METAP1D: variants seen among roughly 807,000 people sequenced by gnomAD.
METAP1D encodes methionine aminopeptidase 1D, mitochondrial.
A neutral mutation model predicts 40.5 loss-of-function variants in METAP1D; 31 were observed. That is an observed-to-expected ratio of 0.77 (90% CI 0.58 to 1.03). METAP1D has a LOEUF of 1.03. Among genes scored for constraint, METAP1D ranks in the 50% least tolerant of loss-of-function variants. METAP1D has a pLI of 0.00. For synonymous variants in METAP1D, 151 were observed against 146.4 expected (o/e 1.03, Z -0.22); for missense variants, 411 against 420.7 (o/e 0.98, Z 0.20).
rs118024231 is a variant in METAP1D, at chr2:172,079,561, T to C, written c.850+299T>C. 1.5e-3 allele frequency among the ~76,000 whole-genome samples: 226 copies of C among 152,302 alleles called. 3 individuals carry two copies. In the East Asian group the frequency reaches 0.035, roughly 24 times the overall value. On this transcript the variant is annotated intron_variant, in intron 8 of 9. Coordinates refer to ENST00000315796, the MANE Select transcript of METAP1D (RefSeq NM_199227.3). ...ATTAACACCCAGTAACTAGACACGATTATGTCCCTTGCTCCCTGTCAGCAA... is the reference window on the plus strand; with the variant it reads ...ATTAACACCCAGTAACTAGACACGACTATGTCCCTTGCTCCCTGTCAGCAA...
At chr2:172,045,949 A>G (rs1331273972) in intron 1 of METAP1D, among the ~76,000 whole-genome samples, 1 of 127,600 alleles carries the variant, frequency 7.8e-6, no homozygotes, top group Non-Finnish European at 1.6e-5. Context: ...GCCTGACCCT[A>G]CTCTTGGGGC....
At chr2:172,050,887 G>A (rs1210162222) in intron 1 of METAP1D, among the ~76,000 whole-genome samples, 2 of 152,068 alleles carry the variant, frequency 1.3e-5, no homozygotes, top group African/African-American at 2.4e-5. Context: ...TTTTAACCAC[G>A]GCCCTAATAA....
intron 1 of METAP1D, among the ~76,000 whole-genome samples, chr2:172,011,285 CTTTT>C (rs367971854): frequency 2.2e-5 from 3 of 135,340 alleles, no homozygotes; most frequent in Admixed American, 7.5e-5. Flanking sequence ...CTTTCTGTTT[CTTTT>C]TTTTTTTTTT....
At chr2:172,057,935 CTTTT>C (rs34383352) in intron 1 of METAP1D, among the ~76,000 whole-genome samples, 1 of 144,604 alleles carries the variant, frequency 6.9e-6, no homozygotes. Flanking sequence ...TTTGTGCAGA[CTTTT>C]TTTTTTTTTT....
intron 1 of METAP1D, chr2:172,021,943 G>T (rs1243578685): frequency 2.0e-5 from 3 of 152,216 alleles, no homozygotes; most frequent in East Asian, 1.9e-4. Context: ...TTAAAACAAA[G>T]AATTGTCTGT....
At chr2:172,013,773 T>C (rs1201586463) in intron 1 of METAP1D, among the ~76,000 whole-genome samples, 1 of 152,134 alleles carries the variant, frequency 6.6e-6, no homozygotes, top group African/African-American at 2.4e-5. Context: ...GAAGCATTTT[T>C]TCCAATTTGT....
intron 1 of METAP1D, among the ~76,000 whole-genome samples, chr2:172,023,351 C>T (rs934857761): frequency 1.3e-5 from 2 of 152,232 alleles, no homozygotes; most frequent in Non-Finnish European, 2.9e-5. Flanking sequence ...TTAATGTGAT[C>T]TAAAAAAAAT....
chr2:172,000,735 G>A (rs1435821456), intron 1 of METAP1D, among the ~76,000 whole-genome samples: 1 of 152,194 alleles, frequency 6.6e-6, no homozygotes, highest in African/African-American at 2.4e-5. Flanking sequence ...CATAGTAACA[G>A]CTACTGTTTA....
intron 1 of METAP1D, among the ~76,000 whole-genome samples, chr2:172,006,168 C>A (rs755305013): frequency 1.4e-5 from 2 of 144,540 alleles, no homozygotes; most frequent in South Asian, 4.4e-4. Flanking sequence ...GACATACAAG[C>A]AGATATTTAT....
At chr2:172,041,235 T>A (rs1225171559) in intron 1 of METAP1D, among the ~76,000 whole-genome samples, 2 of 151,852 alleles carry the variant, frequency 1.3e-5, no homozygotes, top group Non-Finnish European at 1.5e-5. Context: ...ACGAGGTGGG[T>A]GGACCATGAG....
intron 5 of METAP1D, among the ~76,000 whole-genome samples, chr2:172,066,530 T>C (rs769630101): frequency 4.6e-5 from 7 of 152,234 alleles, no homozygotes; most frequent in Non-Finnish European, 8.8e-5. Flanking sequence ...CTGAGATCAA[T>C]GTTGGCCTAA....
At chr2:172,057,636 C>G (rs906888988) in intron 1 of METAP1D, among the ~76,000 whole-genome samples, 1 of 152,132 alleles carries the variant, frequency 6.6e-6, no homozygotes, top group Non-Finnish European at 1.5e-5. Context: ...CTGGGTATTT[C>G]CCTGTGTTTT....
chr2:172,001,067 G>A lies in METAP1D; in HGVS notation c.40+1058G>A, dbSNP rs1055933316. On this transcript the variant is annotated intron_variant, in intron 1 of 9. Coordinates refer to ENST00000315796, the MANE Select transcript of METAP1D (RefSeq NM_199227.3). ...TCTCTTTGCAGAAGGGAAAAGTAAG[G>A]CTAGAGAGGTTAAGTAACATTACTA... Among the ~76,000 whole-genome samples, 17 of 152,102 alleles carry A rather than the reference G, an allele frequency of 1.1e-4. 1 individual carries two copies. Among genetic ancestry groups the A allele is most frequent in the African/African-American group, 4.1e-4 (17 of 41,414 alleles).
chr2:172,048,054 C>T (rs1488371551), intron 1 of METAP1D, among the ~76,000 whole-genome samples: 1 of 152,154 alleles, frequency 6.6e-6, no homozygotes, highest in African/African-American at 2.4e-5. Flanking sequence ...TGAGCCTTCT[C>T]TCATACACTA....
intron 1 of METAP1D, among the ~76,000 whole-genome samples, chr2:172,005,797 C>T (rs1009580026): frequency 2.6e-5 from 4 of 151,798 alleles, no homozygotes; most frequent in African/African-American, 9.7e-5. Context: ...CTCGGCCTCC[C>T]AAAGTGCTGG....
intron 1 of METAP1D, among the ~76,000 whole-genome samples, chr2:172,007,605 A>G (rs961883423): frequency 6.6e-6 from 1 of 152,180 alleles, no homozygotes; most frequent in Non-Finnish European, 1.5e-5. Flanking sequence ...ATCCAGTGCC[A>G]AGATATAGTT....
chr2:172,019,479 G>A (rs1260798570), intron 1 of METAP1D, among the ~76,000 whole-genome samples: 1 of 152,018 alleles, frequency 6.6e-6, no homozygotes, highest in Non-Finnish European at 1.5e-5. Flanking sequence ...ACTTTGGGAG[G>A]TGGAGGCGGG....
intron 1 of METAP1D, chr2:172,021,863 T>A (rs1299722111): frequency 6.6e-6 from 1 of 152,220 alleles, no homozygotes; most frequent in Non-Finnish European, 1.5e-5. Context: ...AGTATTGAAC[T>A]GCAAGTATGA....
chr2:172,036,466 C>T (rs1452827850), intron 1 of METAP1D, among the ~76,000 whole-genome samples: 2 of 149,764 alleles, frequency 1.3e-5, no homozygotes, highest in Admixed American at 6.6e-5. Context: ...TCCGGGTTCA[C>T]GCCATTCTCC....
Sources: gnomAD v4.1 joint callset for allele counts (sites outside exome capture counted in the v4.1 genomes callset) on GRCh38, gnomAD v4.1.1 for gene constraint, MANE v1.5 for transcripts, NCBI Gene and HGNC (gene_info 2026-07-23, HGNC 2026-07-21) for gene names.